Variants in GRAMD4 observed in about 807,000 individuals in gnomAD.
GRAMD4 encodes GRAM domain containing 4, also known as GRAM domain-containing protein 4.
GRAMD4 carries 25 observed loss-of-function variants against 83.9 expected under a neutral mutation model. That is an observed-to-expected ratio of 0.30 (90% CI 0.22 to 0.42). The LOEUF is 0.42. GRAMD4 is among the 10% of genes least tolerant of loss of function. The pLI, the probability that GRAMD4 is intolerant of heterozygous loss-of-function variation, is 1.00. For missense variants in GRAMD4, 593 were observed against 788.7 expected, an observed-to-expected ratio of 0.75 and a Z score of 2.97; for synonymous variants, 336 against 320.9, an observed-to-expected ratio of 1.05 and a Z score of -0.50.
intron 1 of GRAMD4, among the ~76,000 whole-genome samples, chr22:46,609,112 A>AAAACAAAAAAAC (rs532946965): frequency 1.3e-5 from 2 of 151,124 alleles, no homozygotes; most frequent in African/African-American, 2.4e-5. Context: ...CTAAAAAAAA[A>AAAACAAAAAAAC]AACAACAACA....
chr22:46,628,386 C>G (rs1014306572), intron 2 of GRAMD4, among the ~76,000 whole-genome samples: 1 of 152,114 alleles, frequency 6.6e-6, no homozygotes, highest in African/African-American at 2.4e-5. Context: ...AGGTTCGTGT[C>G]CTGCCCATGC....
intron 4 of GRAMD4, 143 bp downstream of exon 4, chr22:46,658,450 C>A (rs1601651883): frequency 1.3e-6 from 1 of 766,926 alleles, no homozygotes; most frequent in African/African-American, 1.8e-5. Flanking sequence ...GAGGGTGGGC[C>A]CGGCTCTGAC....
At chr22:46,582,813 C>G (rs1265683416) in intron 1 of GRAMD4, among the ~76,000 whole-genome samples, 2 of 152,228 alleles carry the variant, frequency 1.3e-5, no homozygotes, top group Admixed American at 6.5e-5. Context: ...CTAGTACATT[C>G]ACCAAGTTGT....
At chr22:46,657,438 C>T (rs527388676) in intron 3 of GRAMD4, among the ~76,000 whole-genome samples, 6 of 152,186 alleles carry the variant, frequency 3.9e-5, no homozygotes, top group Non-Finnish European at 8.8e-5. Flanking sequence ...GTCCCCGTCT[C>T]TCCTGTCTTT....
At chr22:46,671,580 C>T (rs1272486145) in intron 13 of GRAMD4, among the ~76,000 whole-genome samples, 2 of 152,050 alleles carry the variant, frequency 1.3e-5, no homozygotes, top group African/African-American at 2.4e-5. Context: ...GGCGTGAACC[C>T]GGGAGGCGGA....
upstream of GRAMD4, among the ~76,000 whole-genome samples, chr22:46,616,496 G>A (rs1382691884): frequency 9.1e-4 from 131 of 144,384 alleles, no homozygotes; most frequent in Non-Finnish European, 1.5e-3. Context: ...GTTCCCCCGT[G>A]TGTAGGTTCC....
At chr22:46,584,968 T>A (rs981644354) in intron 1 of GRAMD4, among the ~76,000 whole-genome samples, 1 of 152,222 alleles carries the variant, frequency 6.6e-6, no homozygotes, top group African/African-American at 2.4e-5. Context: ...CCTCTCTGCC[T>A]CTGAACTTGC....
chr22:46,632,011 G>A (rs2081781485), intron 2 of GRAMD4, among the ~76,000 whole-genome samples: 1 of 152,260 alleles, frequency 6.6e-6, no homozygotes, highest in Non-Finnish European at 1.5e-5. Flanking sequence ...GACCCTTACG[G>A]CGTGTGTCTT....
At chr22:46,680,602 CCA>C (rs2082659654), downstream of GRAMD4, among the ~76,000 whole-genome samples, 1 of 133,340 alleles carries the variant, frequency 7.5e-6, no homozygotes, top group Non-Finnish European at 1.6e-5. Flanking sequence ...ATCCACCCAC[CCA>C]TTCATCCATC....
intron 1 of GRAMD4, among the ~76,000 whole-genome samples, chr22:46,590,997 T>C (rs1485745773): frequency 6.6e-6 from 1 of 151,808 alleles, no homozygotes; most frequent in East Asian, 1.9e-4. Flanking sequence ...GAGGCGGAGA[T>C]TGCAGTAAGC....
chr22:46,660,505 A>G (rs530261150), intron 4 of GRAMD4, among the ~76,000 whole-genome samples: 1 of 152,268 alleles, frequency 6.6e-6, no homozygotes, highest in Admixed American at 6.5e-5. Flanking sequence ...CACACACTGC[A>G]CACACACATA....
chr22:46,620,169 T>C, upstream of GRAMD4: 1 of 248,068 alleles, frequency 4.0e-6, no homozygotes. This position sits in a 1 kb window ranked among gnomAD's most constrained non-coding sequence, Gnocchi z 4.7. Flanking sequence ...TCCTTTGCGG[T>C]TTCTGAGTCC....
intron 1 of GRAMD4, among the ~76,000 whole-genome samples, chr22:46,581,425 A>G (rs927037447): frequency 4.6e-5 from 7 of 152,262 alleles, no homozygotes; most frequent in African/African-American, 1.4e-4. Flanking sequence ...GTTCCCGAGC[A>G]GAGCTGGGAT....
At chr22:46,651,684 C>G (rs999365663) in intron 3 of GRAMD4, among the ~76,000 whole-genome samples, 6 of 152,224 alleles carry the variant, frequency 3.9e-5, no homozygotes, top group African/African-American at 1.2e-4. Context: ...TGTGGCAGGT[C>G]ATGCATTTGT....
chr22:46,664,626 C>T (rs1037226678), intron 8 of GRAMD4, among the ~76,000 whole-genome samples: 1 of 152,196 alleles, frequency 6.6e-6, no homozygotes, highest in South Asian at 2.1e-4. Flanking sequence ...TGCCCTGCAG[C>T]GGCTGCCCCA....
chr22:46,598,697 T>C (rs1217793949), intron 1 of GRAMD4, among the ~76,000 whole-genome samples: 1 of 152,056 alleles, frequency 6.6e-6, no homozygotes, highest in Non-Finnish European at 1.5e-5. Flanking sequence ...ACAGGGCCTG[T>C]GGTGCAGCTC....
intron 17 of GRAMD4, among the ~76,000 whole-genome samples, chr22:46,676,378 G>A (rs1166031829): frequency 6.6e-6 from 1 of 152,242 alleles, no homozygotes; most frequent in Non-Finnish European, 1.5e-5. Context: ...GCTGGCCGAC[G>A]GTCTGGGCTG....
intron 11 of GRAMD4, 141 bp downstream of exon 11, chr22:46,668,308 G>C: frequency 1.6e-6 from 1 of 624,508 alleles, no homozygotes; most frequent in Non-Finnish European, 2.8e-6. Flanking sequence ...CTGCAGGCCC[G>C]GTTTGTCCGC....
At chr22:46,619,021 C>T (rs551176497), upstream of GRAMD4, among the ~76,000 whole-genome samples, 9 of 152,318 alleles carry the variant, frequency 5.9e-5, no homozygotes, top group South Asian at 2.1e-4. Context: ...CACCCGGATA[C>T]GGACATCAGC....
Sources: gnomAD v4.1 joint callset for allele counts (sites outside exome capture counted in the v4.1 genomes callset) on GRCh38, gnomAD v4.1.1 for gene constraint, Gnocchi (gnomAD v3.1) non-coding constraint, MANE v1.5 for transcripts, NCBI Gene and HGNC (gene_info 2026-07-23, HGNC 2026-07-21) for gene names.